Variants in KLHL30 observed in about 807,000 individuals in gnomAD.
KLHL30 encodes kelch-like protein 30.
Under a neutral mutation model 55.0 loss-of-function variants are expected in KLHL30, and 55 were observed. That is an observed-to-expected ratio of 1.00 (90% confidence interval 0.80 to 1.25). The LOEUF (loss-of-function observed/expected upper bound fraction) is 1.25. Ranked by LOEUF, KLHL30 falls within the 50% of genes most tolerant of loss-of-function variation. KLHL30 has a pLI of 0.00. For missense variants in KLHL30, 786 were observed against 811.6 expected (o/e 0.97, Z 0.38); for synonymous variants, 356 against 372.6 (o/e 0.96, Z 0.51).
intron 3 of KLHL30, 98 bp downstream of exon 3, chr2:238,143,029 A>G: frequency 7.4e-7 from 1 of 1,351,686 alleles, no homozygotes; most frequent in Non-Finnish European, 9.6e-7. Flanking sequence ...AGGCTCGCAG[A>G]GGACCGGGAG....
Position 238,150,928 on chromosome 2 carries a change from G to T in KLHL30, c.1600G>T (p.Glu534Ter). ...GMEGDYHVEM[E>*]AYDTVRDTWT... is the part of the protein sequence containing the mutation. ...GGAAGGTGACTACCACGTGGAGATG[G>T]AGGCCTACGACACGGTTCGGGACAC... Residue 534 changes from glutamate to a stop codon, truncating the protein, a stop_gained, in exon 8 of 8, where the codon GAG (glutamate) becomes TAG (stop). Coordinates refer to ENST00000409223, the MANE Select transcript of KLHL30 (RefSeq NM_198582.4). LOFTEE classifies it high-confidence loss of function. The T allele has an allele frequency of 1.9e-6, 3 of 1,594,052 alleles. No homozygotes were observed. Among genetic ancestry groups the T allele is most frequent in the Non-Finnish European group, 2.6e-6 (3 of 1,171,616 alleles).
chr2:238,146,892 G>T (rs1256025273), intron 5 of KLHL30, among the ~76,000 whole-genome samples: 1 of 151,164 alleles, frequency 6.6e-6, no homozygotes, highest in Non-Finnish European at 1.5e-5. Context: ...TGTAATCCCA[G>T]CTACTTGGGA....
At chr2:238,139,249 G>C (rs1559273633) in intron 1 of KLHL30, among the ~76,000 whole-genome samples, 1 of 152,344 alleles carries the variant, frequency 6.6e-6, no homozygotes, top group South Asian at 2.1e-4. Context: ...GCCCAAGGGA[G>C]CACAACAATG....
At chr2:238,143,364 T>G (rs1486553531) in intron 3 of KLHL30, among the ~76,000 whole-genome samples, 1 of 152,324 alleles carries the variant, frequency 6.6e-6, no homozygotes, top group East Asian at 1.9e-4. Context: ...GAGCGAGAAC[T>G]CAGCTTCTGG....
chr2:238,148,958 C>CCG (rs890172053), intron 6 of KLHL30, 49 bp from the exon 7 acceptor site: 1 of 1,546,182 alleles, frequency 6.5e-7, no homozygotes, highest in Non-Finnish European at 8.7e-7. Context: ...GTGCTAGTGC[C>CCG]CGCTCTGGCA....
Position 238,147,697 on chromosome 2 carries a change from C to T in KLHL30, c.1151-137C>T, listed in dbSNP as rs778409795. On this transcript the variant is annotated intron_variant, in intron 5 of 7. Transcript: ENST00000409223. This position sits in a 1 kb window ranked among gnomAD's most constrained non-coding sequence, Gnocchi z 5.8. ...GGGAGGTGCCAGCACCTCTCAGAAC[C>T]TCAGCTTCCCTGTCTGTGAAATGGG... 1 of 503,188 alleles carries T rather than the reference C, an allele frequency of 2.0e-6. No homozygotes were observed. Among genetic ancestry groups the T allele is most frequent in the Non-Finnish European group, 3.3e-6 (1 of 306,050 alleles). 31.2% of individuals were successfully genotyped at this position (503,188 alleles called of 1,614,324 possible). A position where few individuals can be genotyped will look rare whatever the true frequency, so the allele number is the denominator to read the frequency against.
In KLHL30 at chr2:238,141,299, G is replaced by A. The variant is rs1320259808; in HGVS notation, c.545G>A (p.Cys182Tyr). ...CTTCCCCGAGAGCGGCTGGTCACTTGTCTGGCCGGCGACCTGCTGCAGGTA... is the reference window on the plus strand; with the variant it reads ...CTTCCCCGAGAGCGGCTGGTCACTTATCTGGCCGGCGACCTGCTGCAGGTA... ...LQLPRERLVT[C>Y]LAGDLLQVQP... is the part of the protein sequence containing the mutation. The change falls in exon 2 of 8, where the codon TGT becomes TAT. Residue 182 changes from cysteine (C) to tyrosine (Y), a missense_variant. Physicochemically the swap from Cys to Tyr is radical, Grantham distance 194. Transcript: ENST00000409223. 6.3e-7 allele frequency: 1 copy of A among 1,598,538 alleles called. No homozygotes were observed. The highest frequency in any genetic ancestry group is 1.3e-5 in the African/African-American group (1 of 74,816).
intron 6 of KLHL30, 106 bp downstream of exon 6, chr2:238,148,128 G>A (rs1692681987): frequency 8.7e-7 from 1 of 1,143,014 alleles, no homozygotes; most frequent in Non-Finnish European, 1.2e-6. Context: ...GATAGACGGG[G>A]CCCGGGGTGG....
Position 238,147,768 on chromosome 2 carries a change from G to GCC in KLHL30, c.1151-63_1151-62dup, listed in dbSNP as rs1692672790. On this transcript the variant is annotated intron_variant, in intron 5 of 7. Coordinates refer to ENST00000409223, the MANE Select transcript of KLHL30 (RefSeq NM_198582.4). The surrounding 1 kb of genome is among the most constrained non-coding windows in gnomAD (Gnocchi z 5.8). ...CACTTTGCTGCCTTACAAAGCCCCA[G>GCC]CCCCTGAGTTTCCAGGCCTCCCCTC... 1 of 1,070,326 alleles carries GCC rather than the reference G, an allele frequency of 9.3e-7. No individual in the cohort carries two copies. The highest frequency in any genetic ancestry group is 1.3e-6 in the Non-Finnish European group (1 of 794,922). The allele number at this position is 1,070,326 out of a possible 1,614,324, so 66.3% of individuals were successfully genotyped here. A position where few individuals can be genotyped will look rare whatever the true frequency, so the allele number is the denominator to read the frequency against.
chr2:238,144,389 AGG>A (rs1692596307), intron 3 of KLHL30, among the ~76,000 whole-genome samples: 2 of 71,412 alleles, frequency 2.8e-5, no homozygotes, highest in Admixed American at 1.4e-4. Flanking sequence ...GAAGGAAGGA[AGG>A]AAGGAAGGAA....
At position 238,148,548 on chromosome 2, in the gene KLHL30, C is replaced by T. The variant is rs188314517; in HGVS notation, c.1340-459C>T. Among the ~76,000 whole-genome samples, 533 of 149,112 alleles carry T rather than the reference C, an allele frequency of 3.6e-3. 1 individual carries two copies. The highest frequency in any genetic ancestry group is 6.9e-3 in the Middle Eastern group (2 of 288). ...ACCCTCTGGACAGTGTAGATGGTGG[C>T]GGGCCCTGTTCTGAGGCGTGGATGT... On this transcript the variant is annotated intron_variant, in intron 6 of 7. Coordinates refer to ENST00000409223, the MANE Select transcript of KLHL30 (RefSeq NM_198582.4).
At position 238,151,022 on chromosome 2, in the gene KLHL30, T is replaced by A; in HGVS notation, c.1694T>A (p.Val565Asp). 2 of 1,592,956 alleles carry A rather than the reference T, an allele frequency of 1.3e-6. No individual in the cohort carries two copies. Among genetic ancestry groups the A allele is most frequent in the Non-Finnish European group, 1.7e-6 (2 of 1,170,966 alleles). ...GGGGCCTCCACCGTCTTCCTGGATGTCTCCAAGTGGACCCAGCCCTCCGGC... is the reference window on the plus strand; with the variant it reads ...GGGGCCTCCACCGTCTTCCTGGATGACTCCAAGTGGACCCAGCCCTCCGGC... The part of the protein sequence containing the change: ...YHGASTVFLD[V>D]SKWTQPSGPT... The change falls in exon 8 of 8, where the codon GTC becomes GAC. Residue 565 changes from valine (V) to aspartate (D), a missense_variant. Physicochemically the swap from Val to Asp is radical, Grantham distance 152 (BLOSUM62 -3). Transcript: ENST00000409223.
chr2:238,145,074 T>C, intron 4 of KLHL30, 86 bp downstream of exon 4: 3 of 1,086,674 alleles, frequency 2.8e-6, no homozygotes, highest in South Asian at 1.3e-5. Flanking sequence ...GTGGGGTCCC[T>C]GAGGGTTAGT....
chr2:238,151,883 G>A lies in KLHL30; in HGVS notation c.*818G>A. 6.1e-6 allele frequency: 6 copies of A among 985,478 alleles called. No individual in the cohort carries two copies. Among genetic ancestry groups the A allele is most frequent in the Non-Finnish European group, 6.0e-6 (5 of 829,930 alleles). The allele number at this position is 985,478 out of a possible 1,614,324, so 61.0% of individuals were successfully genotyped here. On this transcript the variant is annotated 3_prime_UTR_variant, in exon 8 of 8. Coordinates refer to ENST00000409223, the MANE Select transcript of KLHL30 (RefSeq NM_198582.4). ...CATTAGAATGGAATTTCCCACCAGG[G>A]GACGACTCTTGGGTGCATTGGTGGC...
At chr2:238,144,382 G>T (rs913682789) in intron 3 of KLHL30, among the ~76,000 whole-genome samples, 5 of 58,830 alleles carry the variant, frequency 8.5e-5, no homozygotes, top group African/African-American at 2.3e-4. Flanking sequence ...AAGGAAGGAA[G>T]GAAGGAAGGA....
Position 238,141,289 on chromosome 2 carries a change from C to A in KLHL30, c.535C>A (p.Leu179Met), listed in dbSNP as rs1668245630. The part of the protein sequence containing the change: ...DEFLQLPRER[L>M]VTCLAGDLLQ... ...GTTCCTGCAGCTTCCCCGAGAGCGG[C>A]TGGTCACTTGTCTGGCCGGCGACCT... is the stretch of plus-strand genomic sequence containing the variant. The change falls in exon 2 of 8, where the codon CTG becomes ATG. Residue 179 changes from leucine (L) to methionine (M), a missense_variant. Physicochemically the swap from Leu to Met is conservative, Grantham distance 15 (BLOSUM62 2). Coordinates refer to ENST00000409223, the MANE Select transcript of KLHL30 (RefSeq NM_198582.4). The A allele has an allele frequency of 3.7e-6, 6 of 1,600,630 alleles. No homozygotes were observed. In the South Asian group the frequency reaches 6.6e-5, roughly 18 times the overall value.
In KLHL30 at chr2:238,144,205, C is replaced by T. The variant is rs530322364; in HGVS notation, c.908-697C>T. Among the ~76,000 whole-genome samples, 18 of 152,294 alleles carry T rather than the reference C, an allele frequency of 1.2e-4. No homozygotes were observed. The East Asian group carries it at 2.1e-3, about 18-fold the overall frequency. ...AGTTCTGTGAAGTCCCCATAGCTCCCGGGAGGCTGGGGTCATCCCCATTCT... is the reference window on the plus strand; with the variant it reads ...AGTTCTGTGAAGTCCCCATAGCTCCTGGGAGGCTGGGGTCATCCCCATTCT... On this transcript the variant is annotated intron_variant, in intron 3 of 7. Coordinates refer to ENST00000409223, the MANE Select transcript of KLHL30 (RefSeq NM_198582.4).
chr2:238,142,549 G>A (rs551367091), intron 2 of KLHL30, among the ~76,000 whole-genome samples: 2 of 152,326 alleles, frequency 1.3e-5, no homozygotes, highest in Admixed American at 1.3e-4. Flanking sequence ...AGCAGGGGCA[G>A]GGAGAAGCTT....
Position 238,144,910 on chromosome 2 carries a change from A to C in KLHL30, c.916A>C (p.Met306Leu), listed in dbSNP as rs769150153. ...AFYNSKAKRWMALPDFPDYHK... is the reference protein window; with the variant it reads ...AFYNSKAKRWLALPDFPDYHK... ...CTCTCTCTTCCTGCCAGAGAGGTGG[A>C]TGGCACTTCCAGACTTCCCCGACTA... The change falls in exon 4 of 8, where the codon ATG becomes CTG. Residue 306 changes from methionine to leucine, a missense_variant. By Grantham distance (15) the Met-to-Leu change is conservative (BLOSUM62 2). Transcript: ENST00000409223. The C allele has an allele frequency of 1.2e-6, 2 of 1,609,870 alleles. No individual in the cohort carries two copies. The highest frequency in any genetic ancestry group is 8.5e-7 in the Non-Finnish European group (1 of 1,178,142).
Sources: allele counts gnomAD v4.1 joint callset (sites outside exome capture counted in the v4.1 genomes callset), GRCh38; gene constraint gnomAD v4.1.1; non-coding constraint Gnocchi (gnomAD v3.1); transcripts MANE v1.5; gene names NCBI Gene and HGNC (gene_info 2026-07-23, HGNC 2026-07-21).